Variants in PAXBP1 observed in about 807,000 individuals in gnomAD.
PAXBP1 encodes PAX3 and PAX7 binding protein 1.
In PAXBP1, 44 loss-of-function variants were observed where a neutral mutation model predicts 119.9. The observed-to-expected ratio is 0.37, with a 90% CI of 0.29 to 0.47. The LOEUF is 0.47. PAXBP1 is among the 20% of genes least tolerant of loss of function. The probability of loss-of-function intolerance (pLI) is 0.99; values close to 1 mark genes in which losing one functional copy is unlikely to be tolerated. For missense variants in PAXBP1, 898 were observed against 1,134.1 expected (o/e 0.79, Z 2.99); for synonymous variants, 393 against 406.6 (o/e 0.97, Z 0.40).
At chr21:32,761,229 C>G (rs896154931) in intron 4 of PAXBP1, 67 bp from the exon 5 acceptor site, 11 of 1,215,538 alleles carry the variant, frequency 9.0e-6, no homozygotes, top group Non-Finnish European at 1.3e-5. Context: ...AGATGCTGTC[C>G]TGACATTTCA....
chr21:32,770,922 C>G (rs2044328709), intron 1 of PAXBP1, among the ~76,000 whole-genome samples: 1 of 152,216 alleles, frequency 6.6e-6, no homozygotes, highest in South Asian at 2.1e-4. Flanking sequence ...GTCGAGGATG[C>G]CTGGACAGAG....
chr21:32,738,058 C>G (rs527773616), intron 16 of PAXBP1, 115 bp downstream of exon 16: 2 of 1,075,410 alleles, frequency 1.9e-6, no homozygotes. Flanking sequence ...ACCTTACATG[C>G]AAGTCCAGTA....
intron 8 of PAXBP1, among the ~76,000 whole-genome samples, chr21:32,754,265 G>C (rs1054826591): frequency 6.6e-6 from 1 of 152,200 alleles, no homozygotes; most frequent in African/African-American, 2.4e-5. Flanking sequence ...ATCACCTGGA[G>C]AGATTGTTTA....
chr21:32,748,475 C>T, intron 11 of PAXBP1, 24 bp downstream of exon 11: 1 of 1,586,482 alleles, frequency 6.3e-7, no homozygotes, highest in Non-Finnish European at 8.6e-7. Context: ...ATAACACTTT[C>T]TAATAGTGAC....
In PAXBP1 at chr21:32,761,138, GCAT is replaced by G. The variant is rs2044137850; in HGVS notation, c.893_895del (p.Asp298del). 2.6e-5 allele frequency: 42 copies of G among 1,613,824 alleles called. No individual in the cohort carries two copies. Among genetic ancestry groups the G allele is most frequent in the Non-Finnish European group, 3.4e-5 (40 of 1,179,952 alleles). On this transcript the variant is annotated inframe_deletion, in exon 5 of 18. Coordinates refer to ENST00000331923, the MANE Select transcript of PAXBP1 (RefSeq NM_016631.4). ...TTCATCCTGTTCTCCAGTTACTAAA[GCAT>G]CATCATCACTCCCCTCAATTCCTAC...
chr21:32,754,503 C>T (rs751661207), intron 8 of PAXBP1, among the ~76,000 whole-genome samples: 3 of 152,056 alleles, frequency 2.0e-5, no homozygotes, highest in Non-Finnish European at 4.4e-5. Flanking sequence ...AGGAACTAAA[C>T]GGTTTAAAAC....
Position 32,762,004 on chromosome 21 carries a change from C to T in PAXBP1, c.871+92G>A, listed in dbSNP as rs181348234. The T allele has an allele frequency of 8.1e-5, 105 of 1,293,040 alleles. No homozygotes were observed. The African/African-American group carries it at 1.4e-3, about 18-fold the overall frequency. The allele number at this position is 1,293,040 out of a possible 1,614,324, so 80.1% of individuals were successfully genotyped here. A position where few individuals can be genotyped will look rare whatever the true frequency, so the allele number is the denominator to read the frequency against. On this transcript the variant is annotated intron_variant, in intron 4 of 17. Transcript: ENST00000331923. ...GCAGTGAGCTATGATTGTACCACTG[C>T]ACTCTGGCCTAAGTGATGGAATGAC...
rs757638679 is a variant in PAXBP1 at position 32,759,169 on chromosome 21, C to T, written c.1294G>A (p.Gly432Arg). 4 of 1,614,056 alleles carry T rather than the reference C, an allele frequency of 2.5e-6. No individual in the cohort carries two copies. Among genetic ancestry groups the T allele is most frequent in the African/African-American group, 1.3e-5 (1 of 75,036 alleles). Reference sequence around the variant, plus strand: ...CGTTCACCAATACCCCCAGAAGACCCTTCTAATCTTTCAATAGCCCTGGTA... The same window carrying T: ...CGTTCACCAATACCCCCAGAAGACCTTTCTAATCTTTCAATAGCCCTGGTA... ...DSTRAIERLEGSSGGIGERYK... is the reference protein window; with the variant it reads ...DSTRAIERLERSSGGIGERYK... The change falls in exon 7 of 18, where the codon GGG becomes AGG. Residue 432 changes from glycine (G) to arginine (R), a missense_variant. By Grantham distance (125) the Gly-to-Arg change is moderately radical (BLOSUM62 -2). Transcript: ENST00000331923.
chr21:32,765,890 C>CAGTACT (rs57047195), intron 2 of PAXBP1, among the ~76,000 whole-genome samples: 83,805 of 151,394 alleles, frequency 0.55, 23,770 homozygotes, highest in African/African-American at 0.68. Flanking sequence ...CCTGTAATCC[C>CAGTACT]CTGGGAGGCC....
rs2044092968 is a variant in PAXBP1, at chr21:32,759,129, T to C, written c.1334A>G (p.Gln445Arg). ...GTCTTGGACATACCCTCGCATTTCTTGCAAAAATTTATACCGTTCACCAAT... is the reference window on the plus strand; with the variant it reads ...GTCTTGGACATACCCTCGCATTTCTCGCAAAAATTTATACCGTTCACCAAT... ...GGIGERYKFL[Q>R]EMRGYVQDLL... Residue 445 changes from glutamine to arginine, a missense_variant, in exon 7 of 18, where the codon CAA becomes CGA. Physicochemically the swap from Gln to Arg is conservative, Grantham distance 43. Coordinates refer to ENST00000331923, the MANE Select transcript of PAXBP1 (RefSeq NM_016631.4). 1 of 1,614,022 alleles carries C rather than the reference T, an allele frequency of 6.2e-7. No individual in the cohort carries two copies. The highest frequency in any genetic ancestry group is 1.3e-5 in the African/African-American group (1 of 75,042).
chr21:32,752,134 C>T (rs151114955), intron 8 of PAXBP1: 81 of 152,388 alleles, frequency 5.3e-4, no homozygotes, highest in African/African-American at 1.4e-3. Flanking sequence ...TTATGATCAT[C>T]GTTAACTGCC....
chr21:32,770,653 ATCTAAAACCAC>A (rs1355339892), intron 1 of PAXBP1, among the ~76,000 whole-genome samples: 3 of 152,230 alleles, frequency 2.0e-5, no homozygotes, highest in Middle Eastern at 3.2e-3. Context: ...AAGATCAGCA[ATCTAAAACCAC>A]TGCAGCCTGG....
intron 2 of PAXBP1, among the ~76,000 whole-genome samples, chr21:32,764,761 G>A (rs1277580470): frequency 6.6e-6 from 1 of 152,176 alleles, no homozygotes; most frequent in African/African-American, 2.4e-5. Context: ...TAATACAGAG[G>A]ATGTAATAAA....
intron 7 of PAXBP1, chr21:32,756,300 G>A: frequency 1.9e-6 from 1 of 533,990 alleles, no homozygotes; most frequent in Non-Finnish European, 3.8e-6. Flanking sequence ...AGTGCAAATG[G>A]AAAACACATT....
rs1402535428 is a variant in PAXBP1 at position 32,767,396 on chromosome 21, A to T, written c.472+2418T>A. Among the ~76,000 whole-genome samples, 3 of 152,218 alleles carry T rather than the reference A, an allele frequency of 2.0e-5. No individual in the cohort carries two copies. In the East Asian group the frequency reaches 5.8e-4, roughly 29 times the overall value. ...GTTATCTAGTGAGTGGAGTATCAGAATTCAATGAGGATAGAAGGATGGAAG... is the reference window on the plus strand; with the variant it reads ...GTTATCTAGTGAGTGGAGTATCAGATTTCAATGAGGATAGAAGGATGGAAG... On this transcript the variant is annotated intron_variant, in intron 2 of 17. Coordinates refer to ENST00000331923, the MANE Select transcript of PAXBP1 (RefSeq NM_016631.4).
At chr21:32,735,706 C>G (rs112072691) in intron 17 of PAXBP1, among the ~76,000 whole-genome samples, 55 of 152,320 alleles carry the variant, frequency 3.6e-4, no homozygotes, top group African/African-American at 1.3e-3. Context: ...AGTGGGGCCC[C>G]GAGAACTTGC....
intron 17 of PAXBP1, among the ~76,000 whole-genome samples, chr21:32,736,395 G>C (rs1208852903): frequency 6.6e-6 from 1 of 151,942 alleles, no homozygotes; most frequent in Non-Finnish European, 1.5e-5. Flanking sequence ...CACCATGTTG[G>C]CCAGGATGGT....
At chr21:32,767,198 G>A (rs2044255819) in intron 2 of PAXBP1, among the ~76,000 whole-genome samples, 1 of 152,130 alleles carries the variant, frequency 6.6e-6, no homozygotes, top group South Asian at 2.1e-4. Flanking sequence ...CAGAAAAATG[G>A]GGTTCTCAAG....
rs761266718 is a variant in PAXBP1, at chr21:32,762,152, C to T, written c.815G>A (p.Arg272Gln). Residue 272 changes from arginine (R) to glutamine (Q), a missense_variant, in exon 4 of 18, where the codon CGG (arginine) becomes CAG (glutamine). By Grantham distance (43) the Arg-to-Gln change is conservative. Coordinates refer to ENST00000331923, the MANE Select transcript of PAXBP1 (RefSeq NM_016631.4). Reference sequence around the variant, plus strand: ...CTTTTCTTTCACAGAAAAAACTATCCGGCGTTTCTCATCGTCATCTTCATC... The same window carrying T: ...CTTTTCTTTCACAGAAAAAACTATCTGGCGTTTCTCATCGTCATCTTCATC... ...SDDEDDDEKR[R>Q]IVFSVKEKSQ... is the part of the protein sequence containing the mutation. The T allele has an allele frequency of 1.5e-5, 24 of 1,614,134 alleles. No homozygotes were observed. The highest frequency in any genetic ancestry group is 2.0e-5 in the Non-Finnish European group (24 of 1,180,012).
Sources: allele counts gnomAD v4.1 joint callset (sites outside exome capture counted in the v4.1 genomes callset), GRCh38; gene constraint gnomAD v4.1.1; transcripts MANE v1.5; gene names NCBI Gene and HGNC (gene_info 2026-07-23, HGNC 2026-07-21).